The following UTP20 variants were observed in gnomAD, a reference collection of about 807,000 sequenced individuals.
The protein encoded by UTP20 is UTP20 small subunit processome component, also known as small subunit processome component 20 homolog.
Under a neutral mutation model 329.5 loss-of-function variants are expected in UTP20, and 164 were observed. The observed-to-expected ratio is 0.50, with a 90% CI of 0.44 to 0.57. The LOEUF is 0.57. Among genes scored for constraint, UTP20 ranks in the 20% least tolerant of loss-of-function variants. The pLI is 0.00. For missense variants in UTP20, 3,055 were observed against 3,284.2 expected (o/e 0.93, Z 1.71); for synonymous variants, 1,151 against 1,159.3 (o/e 0.99, Z 0.14).
At chr12:101,358,241 G>A (rs147725179) in intron 43 of UTP20, among the ~76,000 whole-genome samples, 133 of 152,234 alleles carry the variant, frequency 8.7e-4, no homozygotes, top group African/African-American at 3.0e-3. Flanking sequence ...ATAGTCTACT[G>A]AGAATCAGTA....
intron 28 of UTP20, among the ~76,000 whole-genome samples, chr12:101,333,876 C>A (rs1024439240): frequency 1.3e-5 from 2 of 152,214 alleles, no homozygotes; most frequent in Non-Finnish European, 2.9e-5. Flanking sequence ...GTTGGCCAGG[C>A]TGGTCTTGAA....
At chr12:101,295,789 C>A in intron 12 of UTP20, 131 bp downstream of exon 12, 1 of 1,049,272 alleles carries the variant, frequency 9.5e-7, no homozygotes, top group Non-Finnish European at 1.3e-6. Flanking sequence ...GTGAAAAAAG[C>A]AAGTTGTAGA....
chr12:101,368,092 T>C, intron 48 of UTP20, 116 bp downstream of exon 48: 1 of 732,186 alleles, frequency 1.4e-6, no homozygotes. Context: ...TTGAGGTGTT[T>C]TTGTTTGGTT....
chr12:101,353,325 G>C (rs1869601944), intron 40 of UTP20, among the ~76,000 whole-genome samples, 196 bp downstream of exon 40: 1 of 152,116 alleles, frequency 6.6e-6, no homozygotes, highest in Non-Finnish European at 1.5e-5. Context: ...AAAAGAAAAG[G>C]CTAGTCTAAA....
chr12:101,302,816 G>A (rs1233271994), intron 15 of UTP20, among the ~76,000 whole-genome samples: 1 of 152,192 alleles, frequency 6.6e-6, no homozygotes, highest in African/African-American at 2.4e-5. Flanking sequence ...TTGTAATGCT[G>A]ATCATTCCCA....
intron 11 of UTP20, among the ~76,000 whole-genome samples, chr12:101,294,080 G>A (rs1872263579): frequency 6.6e-6 from 1 of 151,798 alleles, no homozygotes; most frequent in South Asian, 2.1e-4. Context: ...CTGTCGCCCA[G>A]GCTGGAGTGC....
chr12:101,339,084 G>A, intron 31 of UTP20, 127 bp downstream of exon 31: 1 of 953,064 alleles, frequency 1.0e-6, no homozygotes, highest in South Asian at 2.1e-5. Context: ...AGGCTGAGGT[G>A]GGTGGATCAC....
intron 45 of UTP20, 127 bp from the exon 46 acceptor site, chr12:101,365,332 A>G: frequency 3.1e-6 from 2 of 640,594 alleles, no homozygotes; most frequent in Non-Finnish European, 5.3e-6. Context: ...TATATTAAGA[A>G]TGCTTTTTAA....
In UTP20 at chr12:101,285,636, G is replaced by T. The variant is rs1444527886; in HGVS notation, c.193G>T (p.Gly65Ter). The change falls in exon 3 of 62, where the codon GGA becomes TGA. Residue 65 changes from glycine (G) to a stop codon, truncating the protein, a stop_gained and splice_region_variant. Coordinates refer to ENST00000261637, the MANE Select transcript of UTP20 (RefSeq NM_014503.3). LOFTEE classifies it high-confidence loss of function. ...AGAATTAAACCTCACAGAACACTTC[G>T]GTATTTTCTATTTCGTTTCTATTTT... ...WRELNLTEHF[G>*]KFYKEVIDKC... The T allele has an allele frequency of 6.2e-7, 1 of 1,613,542 alleles. No homozygotes were observed. The highest frequency in any genetic ancestry group is 1.3e-5 in the African/African-American group (1 of 74,866).
In UTP20 at chr12:101,377,458, G is replaced by T. The variant is rs185569724; in HGVS notation, c.7396+1702G>T. The stretch of plus-strand genomic sequence containing the variant: ...TGATTCTTCTGCCTCAGCCTCCTGA[G>T]TAGCTGGGACTACAGGCGTGTGCCA... On this transcript the variant is annotated intron_variant, in intron 56 of 61. Transcript: ENST00000261637. Among the ~76,000 whole-genome samples the T allele has an allele frequency of 5.3e-5, 8 of 152,232 alleles. No homozygotes were observed. The East Asian group carries it at 1.5e-3, about 29-fold the overall frequency.
chr12:101,306,523 T>C (rs1872644821), intron 16 of UTP20, among the ~76,000 whole-genome samples, 176 bp from the exon 17 acceptor site: 1 of 152,234 alleles, frequency 6.6e-6, no homozygotes, highest in Admixed American at 6.5e-5. Context: ...TGTACTATTT[T>C]AACTAGGTGT....
chr12:101,379,631 C>T lies in UTP20; in HGVS notation c.7584+73C>T, dbSNP rs112729630. The stretch of plus-strand genomic sequence containing the variant: ...TCCTTCTGGTTCATGTAACTATCTT[C>T]GGGCCAGCCCTTGGGAGAAACTCTT... On this transcript the variant is annotated intron_variant, in intron 57 of 61. Transcript: ENST00000261637. 3.4e-4 allele frequency: 509 copies of T among 1,481,588 alleles called. 2 individuals are homozygous for T. In the African/African-American group the frequency reaches 6.3e-3, roughly 18 times the overall value. The allele number at this position is 1,481,588 out of a possible 1,614,324, so 91.8% of individuals were successfully genotyped here. A position where few individuals can be genotyped will look rare whatever the true frequency, so the allele number is the denominator to read the frequency against.
chr12:101,318,617 G>A (rs2137258284), intron 22 of UTP20, among the ~76,000 whole-genome samples: 1 of 152,206 alleles, frequency 6.6e-6, no homozygotes, highest in African/African-American at 2.4e-5. Flanking sequence ...GATCACTTGA[G>A]GTTAGGAGTT....
At chr12:101,383,841 T>C (rs2062596) in intron 60 of UTP20, among the ~76,000 whole-genome samples, 172 bp downstream of exon 60, 29,222 of 120,958 alleles carry the variant, frequency 0.24, 3,510 homozygotes, top group East Asian at 0.37. Flanking sequence ...TTTATATATA[T>C]ACACACACAC....
intron 27 of UTP20, among the ~76,000 whole-genome samples, chr12:101,329,897 A>G (rs1348240442): frequency 6.6e-6 from 1 of 151,934 alleles, no homozygotes; most frequent in Non-Finnish European, 1.5e-5. Context: ...CAGGAGGCTA[A>G]AGTGAGAGGA....
chr12:101,308,329 G>T lies in UTP20; in HGVS notation c.2140G>T (p.Gly714Trp). The change falls in exon 18 of 62, where the codon GGG (glycine) becomes TGG (tryptophan). Residue 714 changes from glycine to tryptophan, a missense_variant. By Grantham distance (184) the Gly-to-Trp change is radical. Transcript: ENST00000261637. Reference protein sequence around the residue: ...HDVVQTAVPDGPLQEVPLRYL... With the variant: ...HDVVQTAVPDWPLQEVPLRYL... ...TGTGGTACAGACTGCTGTCCCTGAT[G>T]GGCCGTTACAGGAGGTAAAAATAGT... is the stretch of plus-strand genomic sequence containing the variant. 3 of 1,536,972 alleles carry T rather than the reference G, an allele frequency of 2.0e-6. No individual in the cohort carries two copies. The highest frequency in any genetic ancestry group is 2.4e-5 in the East Asian group (1 of 41,060).
intron 3 of UTP20, 21 bp from the exon 4 acceptor site, chr12:101,285,728 A>T (rs1682439006): frequency 1.9e-6 from 3 of 1,602,840 alleles, no homozygotes; most frequent in Non-Finnish European, 2.6e-6. Context: ...AAAAGAACAT[A>T]TTTTTTTTTC....
Position 101,285,582 on chromosome 12 carries a change from T to A in UTP20, c.139T>A (p.Tyr47Asn). The change falls in exon 3 of 62, where the codon TAC becomes AAC. Residue 47 changes from tyrosine to asparagine, a missense_variant. Coordinates refer to ENST00000261637, the MANE Select transcript of UTP20 (RefSeq NM_014503.3). ...TASYEEEVET[Y>N]FFEGLLKWRE... The stretch of plus-strand genomic sequence containing the variant: ...TTAATCTTGACAGGAGGTTGAAACC[T>A]ACTTTTTTGAGGGTCTGCTGAAATG... The A allele has an allele frequency of 6.2e-7, 1 of 1,613,822 alleles. No individual in the cohort carries two copies. The highest frequency in any genetic ancestry group is 1.3e-5 in the African/African-American group (1 of 75,058).
At chr12:101,377,000 T>A (rs1226283003) in intron 56 of UTP20, among the ~76,000 whole-genome samples, 1 of 151,964 alleles carries the variant, frequency 6.6e-6, no homozygotes, top group East Asian at 1.9e-4. Flanking sequence ...AGGCTGGTCT[T>A]GAACTCCTGA....
Sources: gnomAD v4.1 joint callset for allele counts (sites outside exome capture counted in the v4.1 genomes callset) on GRCh38, gnomAD v4.1.1 for gene constraint, MANE v1.5 for transcripts, NCBI Gene and HGNC (gene_info 2026-07-23, HGNC 2026-07-21) for gene names.